TTC39B: variants seen among roughly 807,000 people sequenced by gnomAD.
TTC39B encodes the protein tetratricopeptide repeat domain 39B.
TTC39B carries 92 observed loss-of-function variants against 96.6 expected under a neutral mutation model. The ratio of observed to expected loss-of-function variants is 0.95; its 90% CI spans 0.80 to 1.13. The LOEUF (loss-of-function observed/expected upper bound fraction) is 1.13, where lower values mean the gene tolerates loss of function less well. Ranked by LOEUF, TTC39B falls within the 50% of genes most tolerant of loss-of-function variation. The pLI is 0.00. For synonymous variants in TTC39B, 367 were observed against 299.4 expected, an observed-to-expected ratio of 1.23 and a Z score of -2.33; for missense variants, 955 against 809.3, an observed-to-expected ratio of 1.18 and a Z score of -2.18.
intron 2 of TTC39B, among the ~76,000 whole-genome samples, chr9:15,261,682 T>G (rs1392817466): frequency 6.6e-6 from 1 of 152,080 alleles, no homozygotes; most frequent in African/African-American, 2.4e-5. Context: ...CTGCACTGCC[T>G]CTACCAACTG....
At chr9:15,284,879 T>A (rs1823899693) in intron 1 of TTC39B, among the ~76,000 whole-genome samples, 1 of 152,170 alleles carries the variant, frequency 6.6e-6, no homozygotes, top group Non-Finnish European at 1.5e-5. Flanking sequence ...GGTAAAGTAT[T>A]ACTTCGAGAC....
At chr9:15,190,631 G>A in exon 11 of TTC39B, 1 of 1,614,182 alleles carries the variant, frequency 6.2e-7, no homozygotes, top group Non-Finnish European at 8.5e-7. Flanking sequence ...CCTTCCTGAA[G>A]CACCTTCACG....
At chr9:15,190,960 T>C (rs963398436) in intron 10 of TTC39B, among the ~76,000 whole-genome samples, 1 of 151,968 alleles carries the variant, frequency 6.6e-6, no homozygotes, top group Non-Finnish European at 1.5e-5. Flanking sequence ...CAACACATAA[T>C]TTTTCATCCA....
exon 12 of TTC39B, chr9:15,189,728 T>G (rs776411592): frequency 8.1e-6 from 13 of 1,614,010 alleles, no homozygotes; most frequent in South Asian, 3.3e-5. Flanking sequence ...AGCGTACATT[T>G]GGAAACTGCT....
In TTC39B at chr9:15,185,073, C is replaced by T. The variant is rs145015468; in HGVS notation, c.1614+207G>A. ...ATGATACGTTTTTAGTAGCCTTTAT[C>T]GTAATGCCTGGATCATACTAACTAG... On this transcript the variant is annotated intron_variant, in intron 16 of 19. Transcript: ENST00000512701. Among the ~76,000 whole-genome samples, 983 of 152,230 alleles carry T rather than the reference C, an allele frequency of 6.5e-3. 19 individuals carry two copies. The highest frequency in any genetic ancestry group is 0.023 in the African/African-American group (943 of 41,544).
At chr9:15,191,343 T>A in intron 9 of TTC39B, 88 bp from the exon 10 acceptor site, 3 of 834,150 alleles carry the variant, frequency 3.6e-6, no homozygotes, top group Non-Finnish European at 5.6e-6. Context: ...TTTTAATGCT[T>A]CAATAACATG....
chr9:15,188,263 A>G, intron 13 of TTC39B, 131 bp from the exon 14 acceptor site: 1 of 856,424 alleles, frequency 1.2e-6, no homozygotes, highest in Non-Finnish European at 1.7e-6. Flanking sequence ...CAATATGATG[A>G]TATGTTCTTT....
rs1588826105 is a variant in TTC39B at position 15,170,297 on chromosome 9, G to A, written c.*1722C>T. ...CAGGTCCATGTGGCAGGGAACGGCA[G>A]GAGCAGGTTCATATAACCTGGGTAG... On this transcript the variant is annotated 3_prime_UTR_variant, in exon 20 of 20. Transcript: ENST00000512701. The A allele has an allele frequency of 4.1e-5, 5 of 122,296 alleles. No homozygotes were observed. The South Asian group carries it at 1.4e-3, about 33-fold the overall frequency. 7.6% of individuals were successfully genotyped at this position (122,296 alleles called of 1,614,324 possible).
Position 15,192,833 on chromosome 9 carries a change from T to C in TTC39B, c.825-138A>G, listed in dbSNP as rs79574241. 3.4e-3 allele frequency: 2,089 copies of C among 615,648 alleles called. 42 individuals carry two copies. In the African/African-American group the frequency reaches 0.034, roughly 10 times the overall value. 38.1% of individuals were successfully genotyped at this position (615,648 alleles called of 1,614,324 possible). ...ATCAAAATTTTAAAGGATGATGCTG[T>C]GCTGAGTTTACTCTTAAGGATACTA... is the stretch of plus-strand genomic sequence containing the variant. On this transcript the variant is annotated intron_variant, in intron 8 of 19. Transcript: ENST00000512701.
At chr9:15,241,589 C>T (rs963843753) in intron 2 of TTC39B, among the ~76,000 whole-genome samples, 1 of 151,822 alleles carries the variant, frequency 6.6e-6, no homozygotes, top group African/African-American at 2.4e-5. Context: ...AGAGATGTGA[C>T]TTAAAAACAT....
chr9:15,214,372 G>C (rs1387852863), intron 3 of TTC39B, 123 bp from the exon 4 acceptor site: 15 of 678,700 alleles, frequency 2.2e-5, no homozygotes, highest in Admixed American at 1.5e-4. Flanking sequence ...CTGTGTGTGT[G>C]TCTGTGTGTG....
At chr9:15,172,225 A>C in intron 19 of TTC39B, 116 bp from the exon 20 acceptor site, 4 of 532,374 alleles carry the variant, frequency 7.5e-6, no homozygotes, top group East Asian at 3.8e-5. Flanking sequence ...AATATACATA[A>C]CCGTAGATCT....
At chr9:15,235,068 CAA>C (rs1212338200) in intron 2 of TTC39B, among the ~76,000 whole-genome samples, 1 of 141,016 alleles carries the variant, frequency 7.1e-6, no homozygotes, top group African/African-American at 2.6e-5. Context: ...CAAAACAAAA[CAA>C]AAAACAGAAC....
intron 1 of TTC39B, among the ~76,000 whole-genome samples, chr9:15,294,554 TTAGA>T (rs1824302816): frequency 1.3e-5 from 2 of 152,240 alleles, no homozygotes; most frequent in South Asian, 4.1e-4. Context: ...CTTTTCAGTT[TTAGA>T]TAGAGCTGGA....
intron 6 of TTC39B, among the ~76,000 whole-genome samples, chr9:15,205,967 T>C (rs766150030): frequency 3.3e-5 from 5 of 152,130 alleles, no homozygotes; most frequent in Admixed American, 6.5e-5. Context: ...TGGCCTTGAA[T>C]GTTAGAGTCT....
intron 17 of TTC39B, among the ~76,000 whole-genome samples, chr9:15,178,104 C>T (rs1466249538): frequency 2.0e-5 from 3 of 152,016 alleles, no homozygotes; most frequent in African/African-American, 7.2e-5. Context: ...CTCCTGACCT[C>T]ATGATCCACC....
chr9:15,212,921 AT>A (rs1162632247), intron 4 of TTC39B, among the ~76,000 whole-genome samples: 3 of 152,228 alleles, frequency 2.0e-5, no homozygotes, highest in Non-Finnish European at 4.4e-5. Context: ...AGAAATTATA[AT>A]TAACAATAAT....
chr9:15,279,594 G>T (rs1322918341), intron 1 of TTC39B, among the ~76,000 whole-genome samples: 2 of 152,128 alleles, frequency 1.3e-5, no homozygotes, highest in Admixed American at 6.5e-5. Context: ...GATGTGAAAA[G>T]CACTTAGAAC....
At chr9:15,287,434 C>A (rs894644794) in intron 1 of TTC39B, among the ~76,000 whole-genome samples, 2 of 152,200 alleles carry the variant, frequency 1.3e-5, no homozygotes, top group Admixed American at 1.3e-4. Flanking sequence ...CCAATTGCCA[C>A]AGTTGAAATG....
Sources: gnomAD v4.1 joint callset for allele counts (sites outside exome capture counted in the v4.1 genomes callset) on GRCh38, gnomAD v4.1.1 for gene constraint, MANE v1.5 for transcripts, NCBI Gene and HGNC (gene_info 2026-07-23, HGNC 2026-07-21) for gene names.